MAPKAP1: variants seen among roughly 807,000 people sequenced by gnomAD.
MAPKAP1 encodes MAPK associated protein 1, also known as target of rapamycin complex 2 subunit MAPKAP1.
A neutral mutation model predicts 65.7 loss-of-function variants in MAPKAP1; 20 were observed. The ratio of observed to expected loss-of-function variants is 0.30; its 90% CI spans 0.21 to 0.44. The LOEUF (loss-of-function observed/expected upper bound fraction) is 0.44, where lower values mean the gene tolerates loss of function less well. Among genes scored for constraint, MAPKAP1 ranks in the 20% least tolerant of loss-of-function variants. The pLI, the probability that MAPKAP1 is intolerant of heterozygous loss-of-function variation, is 1.00. For missense variants in MAPKAP1, 423 were observed against 648.0 expected, an observed-to-expected ratio of 0.65 and a Z score of 3.77; for synonymous variants, 222 against 244.3, an observed-to-expected ratio of 0.91 and a Z score of 0.85.
chr9:125,507,068 C>T (rs1829162763), intron 7 of MAPKAP1, among the ~76,000 whole-genome samples: 1 of 152,180 alleles, frequency 6.6e-6, no homozygotes, highest in African/African-American at 2.4e-5. Flanking sequence ...TACCGATTCA[C>T]ATTTTTGTTG....
chr9:125,491,811 C>T (rs1319440560), intron 8 of MAPKAP1, among the ~76,000 whole-genome samples: 1 of 151,556 alleles, frequency 6.6e-6, no homozygotes, highest in Non-Finnish European at 1.5e-5. Flanking sequence ...AACAAAAAAA[C>T]ATAAAACTGT....
intron 4 of MAPKAP1, among the ~76,000 whole-genome samples, chr9:125,639,593 A>C (rs1833520428): frequency 6.6e-6 from 1 of 152,178 alleles, no homozygotes; most frequent in African/African-American, 2.4e-5. Context: ...TACACAGGGA[A>C]GTGGGGGAGA....
chr9:125,464,153 C>T (rs554588529), intron 10 of MAPKAP1, among the ~76,000 whole-genome samples: 1 of 138,644 alleles, frequency 7.2e-6, no homozygotes, highest in East Asian at 2.1e-4. Context: ...CACTTGAGCC[C>T]AGGAGTTTGA....
At chr9:125,543,032 T>C (rs1384491543) in intron 7 of MAPKAP1, 27 bp downstream of exon 7, 2 of 1,436,648 alleles carry the variant, frequency 1.4e-6, no homozygotes, top group South Asian at 2.3e-5. Context: ...CTTCTACTAC[T>C]GTGAGAATAT....
chr9:125,604,338 A>G (rs191812657), intron 4 of MAPKAP1, among the ~76,000 whole-genome samples: 1 of 152,236 alleles, frequency 6.6e-6, no homozygotes, highest in Non-Finnish European at 1.5e-5. Flanking sequence ...CTATTTTTCA[A>G]TTAAAGGTCC....
At position 125,648,465 on chromosome 9, in the gene MAPKAP1, G is replaced by A. The variant is rs1833795073; in HGVS notation, c.498+9186C>T. ...AAGAGGTCATCTAAGCCACATTCCT[G>A]ATTCTAAACACGCAGAAATCAAGGC... On this transcript the variant is annotated intron_variant, in intron 4 of 11. Coordinates refer to ENST00000265960, the MANE Select transcript of MAPKAP1 (RefSeq NM_001006617.3). Among the ~76,000 whole-genome samples the A allele has an allele frequency of 2.6e-5, 4 of 152,154 alleles. No individual in the cohort carries two copies. The South Asian group carries it at 8.3e-4, about 32-fold the overall frequency.
chr9:125,592,721 G>A (rs1832002056), intron 4 of MAPKAP1, among the ~76,000 whole-genome samples: 1 of 151,436 alleles, frequency 6.6e-6, no homozygotes, highest in Non-Finnish European at 1.5e-5. Context: ...TGGCTAACAC[G>A]GTGAAACCCC....
intron 5 of MAPKAP1, among the ~76,000 whole-genome samples, chr9:125,582,178 A>G (rs552710145): frequency 2.1e-4 from 32 of 152,294 alleles, no homozygotes; most frequent in African/African-American, 4.3e-4. Context: ...TGTATTTTAT[A>G]TTTCCAGTAC....
chr9:125,550,275 T>A (rs554977791), intron 6 of MAPKAP1, among the ~76,000 whole-genome samples: 2 of 152,034 alleles, frequency 1.3e-5, no homozygotes, highest in Non-Finnish European at 2.9e-5. Flanking sequence ...TAGCCTGACA[T>A]GTACATAGCA....
intron 2 of MAPKAP1, among the ~76,000 whole-genome samples, chr9:125,671,959 G>A (rs1346008520): frequency 3.3e-5 from 5 of 152,160 alleles, no homozygotes; most frequent in African/African-American, 1.2e-4. Flanking sequence ...ATGTCAACCT[G>A]AAATCTGTCT....
chr9:125,556,098 C>T (rs754994605), intron 6 of MAPKAP1, among the ~76,000 whole-genome samples: 4 of 152,194 alleles, frequency 2.6e-5, no homozygotes, highest in African/African-American at 7.2e-5. Context: ...TAAGATGATG[C>T]GTACATATGC....
Position 125,707,180 on chromosome 9 carries a change from C to CA in MAPKAP1, c.-280dup, listed in dbSNP as rs1835793553. ...TCGCCGCCGCCGGCCGGCCGAGCAG[C>CA]AGCCCTATTACCCCGAGCCGCACAC... On this transcript the variant is annotated 5_prime_UTR_variant, in exon 1 of 12. Transcript: ENST00000265960. 1 of 398,084 alleles carries CA rather than the reference C, an allele frequency of 2.5e-6. No individual in the cohort carries two copies. The highest frequency in any genetic ancestry group is 4.4e-6 in the Non-Finnish European group (1 of 225,770). The allele number at this position is 398,084 out of a possible 1,614,324, so 24.7% of individuals were successfully genotyped here. A position where few individuals can be genotyped will look rare whatever the true frequency, so the allele number is the denominator to read the frequency against.
chr9:125,661,358 A>G (rs544656556), intron 3 of MAPKAP1, among the ~76,000 whole-genome samples: 41 of 152,348 alleles, frequency 2.7e-4, no homozygotes, highest in Admixed American at 1.3e-3. Context: ...CTTAAAAAAA[A>G]ATGCATACAA....
At chr9:125,492,399 G>A (rs904457734) in intron 8 of MAPKAP1, among the ~76,000 whole-genome samples, 2 of 152,172 alleles carry the variant, frequency 1.3e-5, no homozygotes, top group Non-Finnish European at 2.9e-5. Context: ...GTGTATATGT[G>A]TTATAATCTG....
At chr9:125,577,249 C>T (rs571795937) in intron 5 of MAPKAP1, among the ~76,000 whole-genome samples, 2 of 151,328 alleles carry the variant, frequency 1.3e-5, no homozygotes, top group East Asian at 2.0e-4. Flanking sequence ...CTGGCAACCG[C>T]CCCGTCTGAG....
chr9:125,642,797 G>A (rs1240077626), intron 4 of MAPKAP1, among the ~76,000 whole-genome samples: 1 of 152,076 alleles, frequency 6.6e-6, no homozygotes, highest in African/African-American at 2.4e-5. Context: ...TCATTCTCAC[G>A]ATGGTATCAA....
intron 1 of MAPKAP1, among the ~76,000 whole-genome samples, chr9:125,698,995 A>G (rs1475948805): frequency 2.6e-5 from 4 of 152,148 alleles, no homozygotes; most frequent in African/African-American, 9.7e-5. Context: ...TAACATCCTG[A>G]ATGTCTTATG....
At chr9:125,480,574 G>A (rs1034062393) in intron 9 of MAPKAP1, among the ~76,000 whole-genome samples, 7 of 152,204 alleles carry the variant, frequency 4.6e-5, no homozygotes, top group African/African-American at 7.2e-5. Context: ...TGATCTAAGT[G>A]ATCTGGTTTA....
intron 7 of MAPKAP1, among the ~76,000 whole-genome samples, chr9:125,532,650 G>T (rs1829965199): frequency 6.6e-6 from 1 of 152,196 alleles, no homozygotes; most frequent in Non-Finnish European, 1.5e-5. Context: ...TTACTCACCA[G>T]GCACATGGCA....
Sources: gnomAD v4.1 joint callset for allele counts (sites outside exome capture counted in the v4.1 genomes callset) on GRCh38, gnomAD v4.1.1 for gene constraint, MANE v1.5 for transcripts, NCBI Gene and HGNC (gene_info 2026-07-23, HGNC 2026-07-21) for gene names.